Variants in SATB1 observed in about 807,000 individuals in gnomAD.
SATB1 encodes SATB homeobox 1.
A neutral mutation model predicts 86.9 loss-of-function variants in SATB1; 11 were observed. The ratio of observed to expected loss-of-function variants is 0.13; its 90% CI spans 0.08 to 0.21. The LOEUF is 0.21. Among genes scored for constraint, SATB1 ranks in the 10% least tolerant of loss-of-function variants. The pLI is 1.00. For synonymous variants in SATB1, 357 were observed against 357.2 expected (o/e 1.00, Z 0.01); for missense variants, 551 against 937.6 (o/e 0.59, Z 5.39).
At chr3:18,368,784 T>C (rs1220878486) in intron 9 of SATB1, among the ~76,000 whole-genome samples, 2 of 152,228 alleles carry the variant, frequency 1.3e-5, no homozygotes, top group Non-Finnish European at 2.9e-5. Context: ...ATGTTTTAAA[T>C]GGTCTCTAAA....
At chr3:18,392,596 C>CAT (rs1696739293) in intron 7 of SATB1, among the ~76,000 whole-genome samples, 4 of 151,296 alleles carry the variant, frequency 2.6e-5, no homozygotes, top group African/African-American at 4.9e-5. Context: ...TATATATACA[C>CAT]ATATATATAC....
intron 5 of SATB1, among the ~76,000 whole-genome samples, chr3:18,403,907 T>G (rs1057481324): frequency 1.3e-5 from 2 of 152,194 alleles, no homozygotes; most frequent in African/African-American, 4.8e-5. Context: ...CACCCCTTTG[T>G]GCATGTCCTG....
At chr3:18,421,848 A>G (rs1364950194) in intron 1 of SATB1, among the ~76,000 whole-genome samples, 2 of 151,830 alleles carry the variant, frequency 1.3e-5, no homozygotes, top group Non-Finnish European at 2.9e-5. Flanking sequence ...TCAATTAAAA[A>G]AAAAAAAAAC....
chr3:18,432,438 T>C (rs933284074), intron 2 of SATB1, among the ~76,000 whole-genome samples: 1 of 152,178 alleles, frequency 6.6e-6, no homozygotes, highest in Non-Finnish European at 1.5e-5. Context: ...CCTGAATCCT[T>C]GTCCAGGTCA....
upstream of SATB1, among the ~76,000 whole-genome samples, chr3:18,439,107 A>G (rs1699164805): frequency 6.6e-6 from 1 of 152,228 alleles, no homozygotes; most frequent in Non-Finnish European, 1.5e-5. Flanking sequence ...CCACTTCTCT[A>G]CCAAATGTCA....
chr3:18,350,698 AGTTT>A (rs1694312584), intron 10 of SATB1: 1 of 152,386 alleles, frequency 6.6e-6, no homozygotes. Flanking sequence ...CTAAACAGTA[AGTTT>A]TTCAGGCTTT....
At chr3:18,445,510 C>T in intron 1 of SATB1, 18 of 985,538 alleles carry the variant, frequency 1.8e-5, no homozygotes, top group Non-Finnish European at 2.2e-5. Context: ...CCAACCCTGC[C>T]CCCTCACCTC....
intron 9 of SATB1, among the ~76,000 whole-genome samples, chr3:18,369,004 T>G (rs1395315016): frequency 6.6e-6 from 1 of 152,084 alleles, no homozygotes; most frequent in East Asian, 1.9e-4. Flanking sequence ...ATCTCCAATT[T>G]CTATAAAAGC....
Position 18,349,457 on chromosome 3 carries a change from A to G in SATB1, c.2005T>C (p.Tyr669His). The change falls in exon 11 of 11, where the codon TAC becomes CAC. Residue 669 changes from tyrosine (Y) to histidine (H), a missense_variant. Tyr to His is a moderately conservative substitution (Grantham distance 83). Transcript: ENST00000338745. The surrounding 1 kb of genome is among the most constrained non-coding windows in gnomAD (Gnocchi z 5.5). ...GTCTGGATGGCCTCTTCGTCAGGGT[A>G]CAGGCCCACGTCTTGTATGAAACTC... ...LQSFIQDVGL[Y>H]PDEEAIQTLS... 1 of 1,614,160 alleles carries G rather than the reference A, an allele frequency of 6.2e-7. No individual in the cohort carries two copies. The highest frequency in any genetic ancestry group is 8.5e-7 in the Non-Finnish European group (1 of 1,180,038).
intron 8 of SATB1, among the ~76,000 whole-genome samples, chr3:18,382,301 GA>G (rs113958477): frequency 2.0e-5 from 3 of 151,802 alleles, no homozygotes; most frequent in East Asian, 1.9e-4. Context: ...AAAAAATGAA[GA>G]AAAAAAGACT....
intron 1 of SATB1, chr3:18,445,122 C>G (rs1468076376): frequency 4.1e-6 from 3 of 740,584 alleles, no homozygotes; most frequent in Non-Finnish European, 4.9e-6. Context: ...TCGGCGGACC[C>G]CGCGTAGCCG....
intron 9 of SATB1, among the ~76,000 whole-genome samples, chr3:18,366,753 C>T (rs1367144943): frequency 1.3e-5 from 2 of 152,146 alleles, no homozygotes; most frequent in Admixed American, 1.3e-4. Context: ...ATGAGCTCAA[C>T]TCACACCATG....
chr3:18,373,645 C>A (rs1412064244), intron 9 of SATB1, among the ~76,000 whole-genome samples: 1 of 152,144 alleles, frequency 6.6e-6, no homozygotes, highest in African/African-American at 2.4e-5. Flanking sequence ...TTTCTTTCAC[C>A]TACAAACCTA....
chr3:18,392,834 T>C (rs1252133510), intron 7 of SATB1, among the ~76,000 whole-genome samples: 1 of 152,052 alleles, frequency 6.6e-6, no homozygotes, highest in South Asian at 2.1e-4. Flanking sequence ...CAACTGAATA[T>C]AGGTGTCATA....
chr3:18,444,750 G>A lies in SATB1; in HGVS notation c.-25+768C>T. The A allele has an allele frequency of 1.5e-6, 1 of 654,566 alleles. No individual in the cohort carries two copies. Among genetic ancestry groups the A allele is most frequent in the Non-Finnish European group, 1.9e-6 (1 of 528,456 alleles). 40.5% of individuals were successfully genotyped at this position (654,566 alleles called of 1,614,324 possible). A position where few individuals can be genotyped will look rare whatever the true frequency, so the allele number is the denominator to read the frequency against. On this transcript the variant is annotated intron_variant, in intron 1 of 3. Transcript: ENST00000415069. The surrounding 1 kb of genome is among the most constrained non-coding windows in gnomAD (Gnocchi z 5.1). ...CCGCCGCCGCCGCCGCCGGAGCTGCGGCTGCCGCGGAAGTTAATTGCAACT... is the reference window on the plus strand; with the variant it reads ...CCGCCGCCGCCGCCGCCGGAGCTGCAGCTGCCGCGGAAGTTAATTGCAACT...
In SATB1 at chr3:18,349,982, A is replaced by G. The variant is rs1453304511; in HGVS notation, c.1780-300T>C. On this transcript the variant is annotated intron_variant, in intron 10 of 10. Transcript: ENST00000338745. This position sits in a 1 kb window ranked among gnomAD's most constrained non-coding sequence, Gnocchi z 5.5. ...GAAAATGTGAGCCATAAAATTCACT[A>G]GAATGATACGCATCAAAGGCGAAGA... 6 of 424,480 alleles carry G rather than the reference A, an allele frequency of 1.4e-5. No homozygotes were observed. The highest frequency in any genetic ancestry group is 2.5e-5 in the Non-Finnish European group (6 of 241,864). 26.3% of individuals were successfully genotyped at this position (424,480 alleles called of 1,614,324 possible).
intron 8 of SATB1, among the ~76,000 whole-genome samples, chr3:18,385,893 G>C (rs1343852339): frequency 1.3e-5 from 2 of 152,090 alleles, no homozygotes; most frequent in Non-Finnish European, 2.9e-5. Flanking sequence ...TTCCTTATCA[G>C]CCCCATTTAA....
At chr3:18,382,929 T>TA (rs765943124) in intron 8 of SATB1, among the ~76,000 whole-genome samples, 1 of 152,236 alleles carries the variant, frequency 6.6e-6, no homozygotes, top group Non-Finnish European at 1.5e-5. Flanking sequence ...GACTCAACCT[T>TA]AAACTTGGTT....
rs188722088 is a variant in SATB1, at chr3:18,437,708, T to C, written c.-107-837A>G. Among the ~76,000 whole-genome samples the C allele has an allele frequency of 2.3e-3, 344 of 152,280 alleles. 3 individuals carry two copies. The highest frequency in any genetic ancestry group is 7.9e-3 in the African/African-American group (329 of 41,578). On this transcript the variant is annotated intron_variant, in intron 1 of 3. Transcript: ENST00000414509. ...TCTAAGAAAATTTTTAAAACATAGT[T>C]ATTAAAATATTGTTTTTTCCTCCCA...
Sources: gnomAD v4.1 joint callset for allele counts (sites outside exome capture counted in the v4.1 genomes callset) on GRCh38, gnomAD v4.1.1 for gene constraint, Gnocchi (gnomAD v3.1) non-coding constraint, MANE v1.5 for transcripts, NCBI Gene and HGNC (gene_info 2026-07-23, HGNC 2026-07-21) for gene names.